Variants in MARCHF8 observed in about 807,000 individuals in gnomAD.
The protein encoded by MARCHF8 is membrane associated ring-CH-type finger 8, also known as E3 ubiquitin-protein ligase MARCHF8.
MARCHF8 carries 40 observed loss-of-function variants against 51.6 expected under a neutral mutation model. That is an observed-to-expected ratio of 0.77 (90% CI 0.60 to 1.01). The LOEUF (loss-of-function observed/expected upper bound fraction) is 1.01, where lower values mean the gene tolerates loss of function less well. Ranked by LOEUF, MARCHF8 falls within the 50% of genes least tolerant of loss-of-function variation. The pLI is 0.00. For synonymous variants in MARCHF8, 263 were observed against 280.3 expected, an observed-to-expected ratio of 0.94 and a Z score of 0.62; for missense variants, 685 against 708.6, an observed-to-expected ratio of 0.97 and a Z score of 0.38.
At chr10:45,519,695 GTTTT>G (rs1031008103) in intron 2 of MARCHF8, among the ~76,000 whole-genome samples, 6 of 152,194 alleles carry the variant, frequency 3.9e-5, no homozygotes, top group African/African-American at 1.4e-4. Flanking sequence ...TGTAAAAACC[GTTTT>G]TAGCTGGCAA....
At chr10:45,549,262 T>C (rs970104816) in intron 1 of MARCHF8, among the ~76,000 whole-genome samples, 3 of 152,220 alleles carry the variant, frequency 2.0e-5, no homozygotes, top group Admixed American at 6.5e-5. Context: ...CAGCCACTTA[T>C]CACAAGATGT....
intron 1 of MARCHF8, among the ~76,000 whole-genome samples, chr10:45,541,130 T>C (rs998507044): frequency 2.0e-5 from 3 of 152,248 alleles, no homozygotes; most frequent in African/African-American, 2.4e-5. Context: ...CGTATGTTTA[T>C]TGCGGCACTA....
At chr10:45,465,285 T>G (rs1235112985) in intron 3 of MARCHF8, among the ~76,000 whole-genome samples, 1 of 152,158 alleles carries the variant, frequency 6.6e-6, no homozygotes, top group Non-Finnish European at 1.5e-5. Flanking sequence ...ATCTGCTCCA[T>G]GCAACCCCAA....
chr10:45,527,887 A>G (rs1236519773), intron 2 of MARCHF8, among the ~76,000 whole-genome samples: 1 of 152,242 alleles, frequency 6.6e-6, no homozygotes, highest in African/African-American at 2.4e-5. Flanking sequence ...ACAGCACATC[A>G]AAAAACATGG....
chr10:45,482,648 G>A (rs1004762817), intron 3 of MARCHF8, among the ~76,000 whole-genome samples: 3 of 152,182 alleles, frequency 2.0e-5, no homozygotes, highest in Non-Finnish European at 4.4e-5. Flanking sequence ...CAGCTAATCA[G>A]GGGGCTGAGG....
chr10:45,578,181 C>T (rs2044511262), intron 1 of MARCHF8, among the ~76,000 whole-genome samples: 1 of 152,010 alleles, frequency 6.6e-6, no homozygotes, highest in Admixed American at 6.6e-5. Context: ...TTCCAAATAC[C>T]ATTTTTTCCT....
chr10:45,561,166 A>C (rs1037341131), intron 1 of MARCHF8, among the ~76,000 whole-genome samples: 2 of 152,240 alleles, frequency 1.3e-5, no homozygotes, highest in Non-Finnish European at 2.9e-5. Context: ...CTCACAATAA[A>C]AAAATTACTA....
At chr10:45,490,808 G>A (rs2043067273) in intron 2 of MARCHF8, among the ~76,000 whole-genome samples, 1 of 152,150 alleles carries the variant, frequency 6.6e-6, no homozygotes, top group African/African-American at 2.4e-5. Context: ...CATGATCATG[G>A]TTCATGGCAG....
At chr10:45,571,918 T>C (rs935549951) in intron 1 of MARCHF8, among the ~76,000 whole-genome samples, 50 of 152,184 alleles carry the variant, frequency 3.3e-4, no homozygotes, top group African/African-American at 1.2e-3. Context: ...AAGACAGTCT[T>C]CCCTTGGTGT....
At chr10:45,585,172 A>G (rs555460417) in intron 1 of MARCHF8, among the ~76,000 whole-genome samples, 7 of 152,336 alleles carry the variant, frequency 4.6e-5, no homozygotes, top group African/African-American at 1.7e-4. Context: ...ACAGCAACAG[A>G]AAACTACTAC....
At chr10:45,557,583 G>T (rs563416846) in intron 1 of MARCHF8, among the ~76,000 whole-genome samples, 1 of 152,130 alleles carries the variant, frequency 6.6e-6, no homozygotes, top group African/African-American at 2.4e-5. Flanking sequence ...AGTCCTTAAA[G>T]AAAATAGGAA....
At chr10:45,590,624 AG>A (rs2044667651) in intron 1 of MARCHF8, among the ~76,000 whole-genome samples, 1 of 152,248 alleles carries the variant, frequency 6.6e-6, no homozygotes, top group African/African-American at 2.4e-5. Flanking sequence ...AAAAAGTTGC[AG>A]GAAAAAAAGT....
chr10:45,464,585 G>A lies in MARCHF8; in HGVS notation c.154-258C>T, dbSNP rs112113624. On this transcript the variant is annotated intron_variant, in intron 3 of 7. Transcript: ENST00000453424. ...CTAATCTCTTGCAGGTCCAGTGGCC[G>A]TTTATTTTCTAAGCATCTAAATTGA... Among the ~76,000 whole-genome samples, 15 of 152,334 alleles carry A rather than the reference G, an allele frequency of 9.8e-5. 2 individuals carry two copies. The highest frequency in any genetic ancestry group is 4.1e-4 in the South Asian group (2 of 4,830).
In MARCHF8 at chr10:45,458,317, A is replaced by G; in HGVS notation, c.1644T>C (p.Tyr548=). 2.5e-6 allele frequency: 4 copies of G among 1,614,176 alleles called. No individual in the cohort carries two copies. Among genetic ancestry groups the G allele is most frequent in the Non-Finnish European group, 3.4e-6 (4 of 1,180,026 alleles). The change falls in exon 8 of 8, where the codon TAT becomes TAC. Residue 548 remains tyrosine, a synonymous_variant. Transcript: ENST00000453424. ...TEPNFENKHG[Y]GICHSDTNSS... is the part of the protein sequence containing the mutation. ...AGTTTGTGTCGGAATGACAGATTCC[A>G]TATCCATGTTTATTTTCAAAGTTGG...
chr10:45,478,358 A>G (rs2042823573), intron 3 of MARCHF8, among the ~76,000 whole-genome samples: 1 of 152,154 alleles, frequency 6.6e-6, no homozygotes, highest in Admixed American at 6.5e-5. Context: ...ATCGAAATAC[A>G]ACATACCAAA....
chr10:45,464,727 C>A (rs891307267), intron 3 of MARCHF8, among the ~76,000 whole-genome samples: 2 of 152,320 alleles, frequency 1.3e-5, no homozygotes, highest in Admixed American at 6.5e-5. Flanking sequence ...TCCTAGTTCC[C>A]AAGATCAACA....
chr10:45,578,382 A>G (rs906352418), intron 1 of MARCHF8, among the ~76,000 whole-genome samples: 1 of 152,232 alleles, frequency 6.6e-6, no homozygotes, highest in African/African-American at 2.4e-5. Context: ...GTATCAAGAT[A>G]ATAACAGTAA....
intron 1 of MARCHF8, among the ~76,000 whole-genome samples, chr10:45,585,860 G>A (rs2044613130): frequency 6.6e-6 from 1 of 152,000 alleles, no homozygotes; most frequent in Non-Finnish European, 1.5e-5. Context: ...ATGATATAAA[G>A]AGTCCAATCA....
intron 1 of MARCHF8, among the ~76,000 whole-genome samples, chr10:45,585,755 T>C (rs2044611771): frequency 6.6e-6 from 1 of 152,118 alleles, no homozygotes; most frequent in Non-Finnish European, 1.5e-5. Context: ...ATTCAATATT[T>C]GAAAAATGAA....
Sources: allele counts gnomAD v4.1 joint callset (sites outside exome capture counted in the v4.1 genomes callset), GRCh38; gene constraint gnomAD v4.1.1; transcripts MANE v1.5; gene names NCBI Gene and HGNC (gene_info 2026-07-23, HGNC 2026-07-21).